Variants in SAMD5 observed in about 807,000 individuals in gnomAD.
SAMD5 encodes sterile alpha motif domain containing 5, also known as sterile alpha motif domain-containing protein 5.
A neutral mutation model predicts 11.3 loss-of-function variants in SAMD5; 13 were observed. That is an observed-to-expected ratio of 1.15 (90% confidence interval 0.75 to 1.83). The LOEUF (loss-of-function observed/expected upper bound fraction) is 1.83. SAMD5 is among the 40% of genes most tolerant of loss of function. The pLI, the probability that SAMD5 is intolerant of heterozygous loss-of-function variation, is 0.00. For synonymous variants in SAMD5, 129 were observed against 111.3 expected, an observed-to-expected ratio of 1.16 and a Z score of -1.00; for missense variants, 255 against 239.1, an observed-to-expected ratio of 1.07 and a Z score of -0.44.
At chr6:147,751,022 G>T in the SAMD5 span, among the ~76,000 whole-genome samples, 1 of 152,154 alleles carries the variant, frequency 6.6e-6, no homozygotes, top group East Asian at 1.9e-4. Flanking sequence ...TGCTGACAGA[G>T]TTCTGGGTGC....
At chr6:147,752,707 A>C in the SAMD5 span, among the ~76,000 whole-genome samples, 2 of 152,158 alleles carry the variant, frequency 1.3e-5, no homozygotes, top group African/African-American at 4.8e-5. Context: ...ATATTCTGGA[A>C]CTGAGGATGA....
chr6:147,533,867 T>A (rs536372570), intron 1 of SAMD5, among the ~76,000 whole-genome samples: 1 of 152,346 alleles, frequency 6.6e-6, no homozygotes, highest in South Asian at 2.1e-4. Context: ...CCTACCCACA[T>A]TATGCAGGCT....
the SAMD5 span, among the ~76,000 whole-genome samples, chr6:147,951,018 C>T: frequency 4.6e-5 from 7 of 151,128 alleles, no homozygotes; most frequent in Non-Finnish European, 8.8e-5. Context: ...AGGCTTGGCT[C>T]TCCATGTGCT....
At chr6:147,757,578 C>T in the SAMD5 span, among the ~76,000 whole-genome samples, 10 of 152,118 alleles carry the variant, frequency 6.6e-5, no homozygotes, top group African/African-American at 2.4e-4. Flanking sequence ...TCTGGTACTT[C>T]AGTTTTCTGC....
the SAMD5 span, among the ~76,000 whole-genome samples, chr6:147,932,529 T>A: frequency 6.6e-6 from 1 of 151,816 alleles, no homozygotes; most frequent in Non-Finnish European, 1.5e-5. Context: ...ATTATTGTCT[T>A]CCCAACTCTT....
chr6:147,891,734 G>A, the SAMD5 span, among the ~76,000 whole-genome samples: 1 of 152,038 alleles, frequency 6.6e-6, no homozygotes, highest in Admixed American at 6.6e-5. Context: ...TAAGATGAAA[G>A]CTCATCAGCT....
At chr6:147,619,762 G>A (rs1789930114) in intron 1 of SAMD5, among the ~76,000 whole-genome samples, 1 of 152,170 alleles carries the variant, frequency 6.6e-6, no homozygotes, top group East Asian at 1.9e-4. Context: ...TGGTTACCCT[G>A]TGTCTGGAGA....
the SAMD5 span, among the ~76,000 whole-genome samples, chr6:147,790,957 G>C: frequency 6.6e-6 from 1 of 151,976 alleles, no homozygotes; most frequent in Admixed American, 6.6e-5. Flanking sequence ...AGTATTGTGT[G>C]TGTATGTAAA....
At chr6:147,570,999 A>G (rs1705537494), downstream of SAMD5, among the ~76,000 whole-genome samples, 1 of 152,014 alleles carries the variant, frequency 6.6e-6, no homozygotes, top group Admixed American at 6.6e-5. Context: ...AAAAAGACTC[A>G]TTTTTCTAGA....
At chr6:147,781,299 G>A in the SAMD5 span, among the ~76,000 whole-genome samples, 2 of 151,608 alleles carry the variant, frequency 1.3e-5, no homozygotes, top group Non-Finnish European at 2.9e-5. Flanking sequence ...GGAACTACAG[G>A]GACGTGCCAC....
At chr6:147,758,897 A>G in the SAMD5 span, among the ~76,000 whole-genome samples, 2 of 152,184 alleles carry the variant, frequency 1.3e-5, no homozygotes, top group Admixed American at 1.3e-4. Context: ...AAAGAAGGTC[A>G]TCTTAATGTT....
At chr6:147,950,832 T>C in the SAMD5 span, among the ~76,000 whole-genome samples, 18 of 152,046 alleles carry the variant, frequency 1.2e-4, no homozygotes, top group Non-Finnish European at 2.2e-4. Flanking sequence ...AATTTCACAA[T>C]CCTGCCTGCC....
chr6:147,890,391 C>A, the SAMD5 span, among the ~76,000 whole-genome samples: 1 of 147,714 alleles, frequency 6.8e-6, no homozygotes, highest in African/African-American at 2.5e-5. Flanking sequence ...TGGCATCTTG[C>A]TCTGTTGCCC....
chr6:147,874,052 T>C, the SAMD5 span, among the ~76,000 whole-genome samples: 1 of 152,212 alleles, frequency 6.6e-6, no homozygotes, highest in African/African-American at 2.4e-5. Context: ...AGGAGAAATC[T>C]GTCTCAGCTA....
At chr6:147,785,490 G>C in the SAMD5 span, among the ~76,000 whole-genome samples, 1 of 152,028 alleles carries the variant, frequency 6.6e-6, no homozygotes, top group East Asian at 1.9e-4. Flanking sequence ...CAAAGTCCTG[G>C]CCACACCAGC....
chr6:147,849,951 T>A, the SAMD5 span, among the ~76,000 whole-genome samples: 3 of 152,250 alleles, frequency 2.0e-5, no homozygotes, highest in African/African-American at 7.2e-5. Context: ...AGTGACATAC[T>A]TTTGGTAACC....
chr6:147,816,832 T>C, the SAMD5 span, among the ~76,000 whole-genome samples: 1 of 152,180 alleles, frequency 6.6e-6, no homozygotes, highest in Non-Finnish European at 1.5e-5. Context: ...CTCTACTCTG[T>C]TCATTCATTC....
At chr6:147,811,636 AGAG>A in the SAMD5 span, among the ~76,000 whole-genome samples, 1 of 152,194 alleles carries the variant, frequency 6.6e-6, no homozygotes, top group African/African-American at 2.4e-5. Flanking sequence ...CGAGAGTGCC[AGAG>A]AAGAGGGGGA....
At chr6:147,783,264 A>G in the SAMD5 span, among the ~76,000 whole-genome samples, 1 of 152,184 alleles carries the variant, frequency 6.6e-6, no homozygotes, top group Non-Finnish European at 1.5e-5. Flanking sequence ...CACTGTTGGT[A>G]TTAAAAATAT....
Sources: gnomAD v4.1 joint callset for allele counts (sites outside exome capture counted in the v4.1 genomes callset) on GRCh38, gnomAD v4.1.1 for gene constraint, MANE v1.5 for transcripts, NCBI Gene and HGNC (gene_info 2026-07-23, HGNC 2026-07-21) for gene names.